Variants in ARHGAP20 observed in about 807,000 individuals in gnomAD.
The protein encoded by ARHGAP20 is rho GTPase-activating protein 20.
A neutral mutation model predicts 73.7 loss-of-function variants in ARHGAP20; 34 were observed. The observed-to-expected ratio is 0.46, with a 90% confidence interval of 0.35 to 0.61. The LOEUF (loss-of-function observed/expected upper bound fraction) is 0.61, where lower values mean the gene tolerates loss of function less well. ARHGAP20 is among the 20% of genes least tolerant of loss of function. The pLI, the probability that ARHGAP20 is intolerant of heterozygous loss-of-function variation, is 0.00. For missense variants in ARHGAP20, 1,314 were observed against 1,420.9 expected, an observed-to-expected ratio of 0.92 and a Z score of 1.21; for synonymous variants, 523 against 518.2, an observed-to-expected ratio of 1.01 and a Z score of -0.13.
chr11:110,700,501 G>A (rs1950422343), intron 1 of ARHGAP20, among the ~76,000 whole-genome samples: 2 of 151,894 alleles, frequency 1.3e-5, no homozygotes, highest in Admixed American at 6.6e-5. Context: ...TTGTGGAGAC[G>A]TATCCAAGCC....
intron 4 of ARHGAP20, among the ~76,000 whole-genome samples, chr11:110,623,910 G>C (rs1291264197): frequency 1.3e-5 from 2 of 152,112 alleles, no homozygotes; most frequent in Non-Finnish European, 2.9e-5. Flanking sequence ...ATAATCCCAA[G>C]AGTTCCCAAT....
chr11:110,648,353 C>CTT (rs1565457752), intron 2 of ARHGAP20, among the ~76,000 whole-genome samples: 1 of 146,456 alleles, frequency 6.8e-6, no homozygotes, highest in East Asian at 2.0e-4. Flanking sequence ...TGTGTGTATA[C>CTT]ATATATATAT....
intron 2 of ARHGAP20, among the ~76,000 whole-genome samples, chr11:110,650,534 A>C (rs777573856): frequency 9.2e-5 from 14 of 152,116 alleles, no homozygotes; most frequent in African/African-American, 1.2e-4. Context: ...GTGGAGGCAG[A>C]CTTATCTGCT....
intron 12 of ARHGAP20, among the ~76,000 whole-genome samples, chr11:110,585,122 A>T (rs1187821092): frequency 6.6e-6 from 1 of 150,522 alleles, no homozygotes; most frequent in Non-Finnish European, 1.5e-5. Flanking sequence ...AATATATATG[A>T]ATATATGTGA....
chr11:110,670,187 C>A (rs1383856502), intron 2 of ARHGAP20, among the ~76,000 whole-genome samples: 1 of 152,074 alleles, frequency 6.6e-6, no homozygotes, highest in Non-Finnish European at 1.5e-5. Flanking sequence ...AAATCACACA[C>A]TTTATGTGTG....
Position 110,581,074 on chromosome 11 carries a change from A to C in ARHGAP20, c.1872T>G (p.Asp624Glu). The C allele has an allele frequency of 6.2e-7, 1 of 1,614,180 alleles. No homozygotes were observed. Among genetic ancestry groups the C allele is most frequent in the Non-Finnish European group, 8.5e-7 (1 of 1,180,032 alleles). The part of the protein sequence containing the change: ...MDSVLTLSDY[D>E]LDQPEVEGLL... Reference sequence around the variant, plus strand: ...GGCCTTCCACCTCGGGCTGGTCAAGATCATAGTCACTGAGGGTTAAGACAG... The same window carrying C: ...GGCCTTCCACCTCGGGCTGGTCAAGCTCATAGTCACTGAGGGTTAAGACAG... Residue 624 changes from aspartate to glutamate, a missense_variant, in exon 15 of 15, where the codon GAT becomes GAG. This residue lies in a region of ARHGAP20 where 230 missense variants were observed against 317.6 expected (regional missense o/e 0.72). Coordinates refer to ENST00000683387, the MANE Select transcript of ARHGAP20 (RefSeq NM_001384657.1).
At position 110,696,370 on chromosome 11, in the gene ARHGAP20, A is replaced by G. The variant is rs558151468; in HGVS notation, c.106-5741T>C. Reference sequence around the variant, plus strand: ...AACCTAACTACCAAATTACTAAACCACTGGGCTCCAGCCCAGCAAACTGGT... The same window carrying G: ...AACCTAACTACCAAATTACTAAACCGCTGGGCTCCAGCCCAGCAAACTGGT... On this transcript the variant is annotated intron_variant, in intron 1 of 14. Coordinates refer to ENST00000683387, the MANE Select transcript of ARHGAP20 (RefSeq NM_001384657.1). Among the ~76,000 whole-genome samples, 4 of 151,780 alleles carry G rather than the reference A, an allele frequency of 2.6e-5. 1 individual carries two copies. The highest frequency in any genetic ancestry group is 9.6e-5 in the African/African-American group (4 of 41,510).
chr11:110,630,765 T>A lies in ARHGAP20; in HGVS notation c.216A>T (p.Thr72=). 1 of 1,614,082 alleles carries A rather than the reference T, an allele frequency of 6.2e-7. No individual in the cohort carries two copies. ...ACACTAATGATGACAGAAATGTGCA[T>A]GTGTCAACACTAGCAGAAGGACTGT... ...TRDSPSASVD[T]CTFLSSLVCS... The change falls in exon 3 of 15, where the codon ACA becomes ACT. Residue 72 remains threonine (T), a synonymous_variant. Transcript: ENST00000683387.
At chr11:110,603,330 T>C (rs1175398957) in intron 9 of ARHGAP20, among the ~76,000 whole-genome samples, 2 of 152,212 alleles carry the variant, frequency 1.3e-5, no homozygotes, top group Non-Finnish European at 2.9e-5. Flanking sequence ...TTAACCTCTA[T>C]TAATGGACAC....
rs146241130 is a variant in ARHGAP20 at position 110,579,940 on chromosome 11, G to A, written c.3006C>T (p.Pro1002=). 4.8e-4 allele frequency: 781 copies of A among 1,614,194 alleles called. 2 individuals carry two copies. The highest frequency in any genetic ancestry group is 4.8e-3 in the East Asian group (215 of 44,882). Residue 1002 remains proline (P), a synonymous_variant, in exon 15 of 15, where the codon CCC becomes CCT. Coordinates refer to ENST00000683387, the MANE Select transcript of ARHGAP20 (RefSeq NM_001384657.1). ...FSNASHVSGM[P]GPSSGQACSR... is the part of the protein sequence containing the mutation. Reference sequence around the variant, plus strand: ...TGCAAGCCTGCCCTGATGAGGGACCGGGCATTCCGGAAACATGGCTGGCAT... The same window carrying A: ...TGCAAGCCTGCCCTGATGAGGGACCAGGCATTCCGGAAACATGGCTGGCAT...
At position 110,593,978 on chromosome 11, in the gene ARHGAP20, C is replaced by A. The variant is rs78666326; in HGVS notation, c.965-1823G>T. 5.1e-3 allele frequency among the ~76,000 whole-genome samples: 777 copies of A among 152,316 alleles called. 7 individuals carry two copies. Among genetic ancestry groups the A allele is most frequent in the African/African-American group, 0.018 (742 of 41,544 alleles). ...CTAAAACAGAGATGTTCCCAACATT[C>A]CCTGATAATGAAATACTGAAGGATT... On this transcript the variant is annotated intron_variant, in intron 9 of 14. Coordinates refer to ENST00000683387, the MANE Select transcript of ARHGAP20 (RefSeq NM_001384657.1).
chr11:110,618,084 C>G (rs1186866055), intron 4 of ARHGAP20, among the ~76,000 whole-genome samples: 1 of 152,066 alleles, frequency 6.6e-6, no homozygotes, highest in East Asian at 1.9e-4. Context: ...GCAAAGATAC[C>G]TTCCACCCAC....
intron 2 of ARHGAP20, among the ~76,000 whole-genome samples, chr11:110,680,901 A>C (rs1188763943): frequency 6.6e-6 from 1 of 152,186 alleles, no homozygotes; most frequent in East Asian, 1.9e-4. Context: ...TTTGGTAAAA[A>C]ATTTGCCAAC....
In ARHGAP20 at chr11:110,580,125, G is replaced by C; in HGVS notation, c.2821C>G (p.Pro941Ala). 1 of 1,614,162 alleles carries C rather than the reference G, an allele frequency of 6.2e-7. No homozygotes were observed. The highest frequency in any genetic ancestry group is 1.1e-5 in the South Asian group (1 of 91,074). Residue 941 changes from proline (P) to alanine (A), a missense_variant, in exon 15 of 15, where the codon CCA (proline) becomes GCA (alanine). Coordinates refer to ENST00000683387, the MANE Select transcript of ARHGAP20 (RefSeq NM_001384657.1). Reference protein sequence around the residue: ...PRTSYSSLSSPGTSPSGSSVS... With the variant: ...PRTSYSSLSSAGTSPSGSSVS... ...GATGAGCCGGATGGGGAAGTGCCTG[G>C]GGAGGATAAGCTGGAATAGCTGGTC...
intron 2 of ARHGAP20, among the ~76,000 whole-genome samples, chr11:110,664,103 C>T (rs963373778): frequency 1.3e-5 from 2 of 152,134 alleles, no homozygotes; most frequent in East Asian, 3.9e-4. Context: ...CTTCCTCTTT[C>T]CTCCTAATAT....
At chr11:110,700,387 A>G (rs1286027242) in intron 1 of ARHGAP20, among the ~76,000 whole-genome samples, 1 of 151,942 alleles carries the variant, frequency 6.6e-6, no homozygotes, top group East Asian at 1.9e-4. Flanking sequence ...AAATTAACAA[A>G]TTAGCTTATT....
chr11:110,605,742 T>C (rs1165770475), intron 9 of ARHGAP20, among the ~76,000 whole-genome samples: 1 of 152,186 alleles, frequency 6.6e-6, no homozygotes, highest in Non-Finnish European at 1.5e-5. Context: ...GGCAGGAAGG[T>C]AGCCTCAGTG....
chr11:110,578,119 A>C lies in ARHGAP20; in HGVS notation c.*1251T>G, dbSNP rs1039934838. The C allele has an allele frequency of 2.0e-6, 2 of 985,382 alleles. No individual in the cohort carries two copies. The highest frequency in any genetic ancestry group is 3.5e-5 in the African/African-American group (2 of 57,258). The allele number at this position is 985,382 out of a possible 1,614,324, so 61.0% of individuals were successfully genotyped here. ...AATCTATTCCTAGGTGACGAGATGT[A>C]CTGCTGCAACCTTTAAGTCAAGAAA... is the stretch of plus-strand genomic sequence containing the variant. On this transcript the variant is annotated 3_prime_UTR_variant, in exon 15 of 15. Transcript: ENST00000683387.
intron 3 of ARHGAP20, among the ~76,000 whole-genome samples, chr11:110,626,676 T>C (rs1000751469): frequency 5.9e-5 from 9 of 152,112 alleles, no homozygotes; most frequent in African/African-American, 2.2e-4. Flanking sequence ...ATAAAGCACC[T>C]GAAACCCGGG....
Sources: allele counts gnomAD v4.1 joint callset (sites outside exome capture counted in the v4.1 genomes callset), GRCh38; gene constraint gnomAD v4.1.1; regional missense constraint gnomAD v4.1.1; transcripts MANE v1.5; gene names NCBI Gene and HGNC (gene_info 2026-07-23, HGNC 2026-07-21).